The following CAMK4 variants were observed in gnomAD, a reference collection of about 807,000 sequenced individuals.
CAMK4 encodes calcium/calmodulin-dependent protein kinase type IV.
CAMK4 carries 22 observed loss-of-function variants against 44.9 expected under a neutral mutation model. The observed-to-expected ratio is 0.49, with a 90% CI of 0.35 to 0.70. The LOEUF (loss-of-function observed/expected upper bound fraction) is 0.70. Ranked by LOEUF, CAMK4 falls within the 30% of genes least tolerant of loss-of-function variation. The probability of loss-of-function intolerance (pLI) is 0.01; values close to 1 mark genes in which losing one functional copy is unlikely to be tolerated. For synonymous variants in CAMK4, 218 were observed against 215.4 expected (o/e 1.01, Z -0.11); for missense variants, 498 against 586.8 (o/e 0.85, Z 1.56).
chr5:111,332,736 C>T lies in CAMK4; in HGVS notation c.162-11288C>T, dbSNP rs529921998. 7.1e-4 allele frequency among the ~76,000 whole-genome samples: 107 copies of T among 151,686 alleles called. 3 individuals carry two copies. The South Asian group carries it at 0.022, about 31-fold the overall frequency. ...TAGTGCATTTGGGTGTTATGCCTGA[C>T]TTCAGGGATTACAACATTGGTGCTT... On this transcript the variant is annotated intron_variant, in intron 1 of 10. Coordinates refer to ENST00000282356, the MANE Select transcript of CAMK4 (RefSeq NM_001744.6).
intron 7 of CAMK4, among the ~76,000 whole-genome samples, chr5:111,453,358 CT>C (rs1331611838): frequency 6.6e-6 from 1 of 152,140 alleles, no homozygotes; most frequent in Non-Finnish European, 1.5e-5. Flanking sequence ...TTTCATCTAT[CT>C]TATAAAAAAT....
chr5:111,243,505 A>G (rs1246759244), intron 1 of CAMK4, among the ~76,000 whole-genome samples: 1 of 152,212 alleles, frequency 6.6e-6, no homozygotes, highest in Non-Finnish European at 1.5e-5. Context: ...TTGTCAAGCA[A>G]AGAATCTTTG....
At chr5:111,248,239 A>G (rs1038485533) in intron 1 of CAMK4, among the ~76,000 whole-genome samples, 1 of 152,164 alleles carries the variant, frequency 6.6e-6, no homozygotes, top group Non-Finnish European at 1.5e-5. Flanking sequence ...GTTGACTGAG[A>G]GATATTTTTA....
chr5:111,492,247 G>A lies in CAMK4; in HGVS notation c.*7781G>A, dbSNP rs537911813. On this transcript the variant is annotated 3_prime_UTR_variant, in exon 11 of 11. Coordinates refer to ENST00000282356, the MANE Select transcript of CAMK4 (RefSeq NM_001744.6). Reference sequence around the variant, plus strand: ...CAAAAGGTCACAAATGAAATATTTAGTAGAAAGTGCAATATCAATTTATTA... The same window carrying A: ...CAAAAGGTCACAAATGAAATATTTAATAGAAAGTGCAATATCAATTTATTA... 2.6e-5 allele frequency: 4 copies of A among 152,216 alleles called. No homozygotes were observed. In the South Asian group the frequency reaches 6.2e-4, roughly 24 times the overall value. The allele number at this position is 152,216 out of a possible 1,614,324, so 9.4% of individuals were successfully genotyped here. A position where few individuals can be genotyped will look rare whatever the true frequency, so the allele number is the denominator to read the frequency against.
chr5:111,492,955 TGG>T lies in CAMK4; in HGVS notation c.*8491_*8492del, dbSNP rs1327133410. On this transcript the variant is annotated 3_prime_UTR_variant, in exon 11 of 11. Transcript: ENST00000282356. ...GGAAACACAGGCTGTATGTGAAAGA[TGG>T]GTGAATCTTTGCAGGTAGGGAAGAA... 1 of 152,130 alleles carries T rather than the reference TGG, an allele frequency of 6.6e-6. No individual in the cohort carries two copies. Among genetic ancestry groups the T allele is most frequent in the African/African-American group, 2.4e-5 (1 of 41,404 alleles). The allele number at this position is 152,130 out of a possible 1,614,324, so 9.4% of individuals were successfully genotyped here. A position where few individuals can be genotyped will look rare whatever the true frequency, so the allele number is the denominator to read the frequency against.
chr5:111,309,929 A>C (rs1748126997), intron 1 of CAMK4, among the ~76,000 whole-genome samples: 1 of 152,176 alleles, frequency 6.6e-6, no homozygotes, highest in Non-Finnish European at 1.5e-5. Flanking sequence ...CAGGAAAATA[A>C]ATGTGCTATC....
intron 5 of CAMK4, among the ~76,000 whole-genome samples, chr5:111,433,601 C>T (rs918142804): frequency 1.8e-4 from 28 of 152,152 alleles, no homozygotes; most frequent in African/African-American, 6.8e-4. Flanking sequence ...TTAGACTCCA[C>T]CTCTGGATGG....
rs760500088 is a variant in CAMK4, at chr5:111,224,442, G to GGCGGCGGCA, written c.-34_-33insAGCGGCGGC. On this transcript the variant is annotated 5_prime_UTR_variant, in exon 1 of 11. Transcript: ENST00000282356. This position sits in a 1 kb window ranked among gnomAD's most constrained non-coding sequence, Gnocchi z 5.7. ...GCGGCCGGCTTCTCGCTCGGGCAGC[G>GGCGGCGGCA]GCGGCGGCGGCGGCGGCGGCTTCCG... is the stretch of plus-strand genomic sequence containing the variant. The GGCGGCGGCA allele has an allele frequency of 2.2e-6, 3 of 1,384,912 alleles. No individual in the cohort carries two copies. Among genetic ancestry groups the GGCGGCGGCA allele is most frequent in the Middle Eastern group, 2.6e-4 (1 of 3,862 alleles). 85.8% of individuals were successfully genotyped at this position (1,384,912 alleles called of 1,614,324 possible).
chr5:111,340,228 A>G (rs1053174810), intron 1 of CAMK4, among the ~76,000 whole-genome samples: 2 of 151,102 alleles, frequency 1.3e-5, no homozygotes, highest in Admixed American at 1.3e-4. Context: ...GCCTTGCCTA[A>G]TTGTTCTGGC....
chr5:111,326,918 GA>G (rs1399396373), intron 1 of CAMK4, among the ~76,000 whole-genome samples: 1 of 151,692 alleles, frequency 6.6e-6, no homozygotes, highest in Non-Finnish European at 1.5e-5. Context: ...ATGACTAATC[GA>G]ATTCTCTGCA....
At chr5:111,243,269 C>T (rs989485403) in intron 1 of CAMK4, among the ~76,000 whole-genome samples, 2 of 152,072 alleles carry the variant, frequency 1.3e-5, no homozygotes, top group African/African-American at 4.8e-5. Flanking sequence ...GAGGAAACAT[C>T]GGTGATATGG....
chr5:111,253,123 TAC>T (rs1459464148), intron 1 of CAMK4, among the ~76,000 whole-genome samples: 7 of 152,254 alleles, frequency 4.6e-5, no homozygotes, highest in Non-Finnish European at 7.3e-5. Flanking sequence ...CACATGTACA[TAC>T]ACACATTTAT....
At chr5:111,264,646 G>T (rs411689) in intron 1 of CAMK4, among the ~76,000 whole-genome samples, 1 of 152,162 alleles carries the variant, frequency 6.6e-6, no homozygotes, top group Non-Finnish European at 1.5e-5. Context: ...TCAGCTTGCT[G>T]TCCTCTCTTG....
intron 5 of CAMK4, among the ~76,000 whole-genome samples, chr5:111,428,519 A>G (rs1753313472): frequency 6.6e-6 from 1 of 152,262 alleles, no homozygotes; most frequent in South Asian, 2.1e-4. Context: ...ATTCTATCAG[A>G]TAAATTTAAC....
intron 10 of CAMK4, among the ~76,000 whole-genome samples, chr5:111,483,401 T>C (rs1755499648): frequency 6.6e-6 from 1 of 152,140 alleles, no homozygotes; most frequent in Admixed American, 6.5e-5. Context: ...AAATATATCA[T>C]TTTATATAGT....
At chr5:111,238,456 A>T (rs1262634059) in intron 1 of CAMK4, among the ~76,000 whole-genome samples, 1 of 152,116 alleles carries the variant, frequency 6.6e-6, no homozygotes, top group African/African-American at 2.4e-5. Flanking sequence ...CACAGCAAGA[A>T]GTCTGCAAGC....
intron 1 of CAMK4, among the ~76,000 whole-genome samples, chr5:111,271,297 G>C (rs552585793): frequency 6.6e-6 from 1 of 152,320 alleles, no homozygotes; most frequent in South Asian, 2.1e-4. Flanking sequence ...GCATGCTCAT[G>C]AACTCTCTCT....
At chr5:111,332,256 A>T (rs2560497) in intron 1 of CAMK4, among the ~76,000 whole-genome samples, 1 of 107,254 alleles carries the variant, frequency 9.3e-6, no homozygotes, top group Non-Finnish European at 1.8e-5. Flanking sequence ...ACAGTCCCGG[A>T]GTGTGATGTT....
At chr5:111,280,331 C>T (rs969974833) in intron 1 of CAMK4, among the ~76,000 whole-genome samples, 1 of 152,128 alleles carries the variant, frequency 6.6e-6, no homozygotes, top group Non-Finnish European at 1.5e-5. Context: ...AGGCACTGGA[C>T]AAACATTGTG....
Sources: allele counts gnomAD v4.1 joint callset (sites outside exome capture counted in the v4.1 genomes callset), GRCh38; gene constraint gnomAD v4.1.1; non-coding constraint Gnocchi (gnomAD v3.1); transcripts MANE v1.5; gene names NCBI Gene and HGNC (gene_info 2026-07-23, HGNC 2026-07-21).